REDIC1: variants seen among roughly 807,000 people sequenced by gnomAD.
The protein encoded by REDIC1 is regulator of DNA class I crossover intermediates 1.
the REDIC1 span, chr12:39,647,955 A>G: frequency 6.4e-7 from 1 of 1,569,468 alleles, no homozygotes; most frequent in Non-Finnish European, 8.6e-7. Flanking sequence ...AAACTTGCAT[A>G]TGAAAAAAAG....
the REDIC1 span, among the ~76,000 whole-genome samples, chr12:39,700,424 T>C: frequency 3.9e-5 from 6 of 151,952 alleles, no homozygotes; most frequent in African/African-American, 1.2e-4. Context: ...CTCCAAGAAA[T>C]ATGGGACTAT....
the REDIC1 span, among the ~76,000 whole-genome samples, chr12:39,691,758 G>A: frequency 2.0e-5 from 3 of 152,152 alleles, no homozygotes; most frequent in South Asian, 6.2e-4. Context: ...TAATATGTTT[G>A]TCTTTCTTCA....
the REDIC1 span, among the ~76,000 whole-genome samples, chr12:39,822,525 T>C: frequency 6.6e-6 from 1 of 152,196 alleles, no homozygotes; most frequent in Admixed American, 6.5e-5. Context: ...CCCTTTTTAA[T>C]AAATTCCAAG....
At chr12:39,655,214 C>A in the REDIC1 span, among the ~76,000 whole-genome samples, 13 of 151,930 alleles carry the variant, frequency 8.6e-5, no homozygotes, top group African/African-American at 3.1e-4. Flanking sequence ...TTCTATTTTC[C>A]ATTTTTTAAG....
At chr12:39,870,345 T>C in the REDIC1 span, among the ~76,000 whole-genome samples, 1 of 152,230 alleles carries the variant, frequency 6.6e-6, no homozygotes, top group Non-Finnish European at 1.5e-5. Context: ...TCCAGCCCAC[T>C]GTGGAAATTT....
chr12:39,627,651 G>T, the REDIC1 span, among the ~76,000 whole-genome samples: 4 of 152,082 alleles, frequency 2.6e-5, no homozygotes, highest in Admixed American at 6.5e-5. Flanking sequence ...GTACCAGGGG[G>T]TTTAAGAAAC....
the REDIC1 span, among the ~76,000 whole-genome samples, chr12:39,648,375 CGTA>C: frequency 0.015 from 2,340 of 151,846 alleles, 57 homozygotes; most frequent in African/African-American, 0.051. Flanking sequence ...TCAGAGATGT[CGTA>C]GTAGTCTCTT....
At chr12:39,840,361 C>T in the REDIC1 span, among the ~76,000 whole-genome samples, 5 of 152,152 alleles carry the variant, frequency 3.3e-5, no homozygotes, top group African/African-American at 9.6e-5. Context: ...CTCTACACTG[C>T]CTCAAATCTA....
the REDIC1 span, among the ~76,000 whole-genome samples, chr12:39,688,661 A>T: frequency 6.6e-6 from 1 of 152,234 alleles, no homozygotes; most frequent in Non-Finnish European, 1.5e-5. Flanking sequence ...AAAAAAGTTG[A>T]TTCTAGCAAC....
At chr12:39,793,609 T>C in the REDIC1 span, among the ~76,000 whole-genome samples, 2 of 152,128 alleles carry the variant, frequency 1.3e-5, no homozygotes, top group Non-Finnish European at 2.9e-5. Flanking sequence ...AACCAGAATC[T>C]CTTCTGCATG....
the REDIC1 span, among the ~76,000 whole-genome samples, chr12:39,654,780 C>A: frequency 6.6e-6 from 1 of 151,954 alleles, no homozygotes; most frequent in Admixed American, 6.6e-5. Flanking sequence ...AGTGTTTCCC[C>A]CTGTTTTATG....
At chr12:39,866,571 C>T in the REDIC1 span, among the ~76,000 whole-genome samples, 2 of 152,122 alleles carry the variant, frequency 1.3e-5, no homozygotes, top group African/African-American at 4.8e-5. Flanking sequence ...CTCCGCCCCC[C>T]GGGGTTCACG....
At chr12:39,882,911 T>C in the REDIC1 span, among the ~76,000 whole-genome samples, 121 of 152,344 alleles carry the variant, frequency 7.9e-4, no homozygotes, top group African/African-American at 2.8e-3. Flanking sequence ...TCTATCATAT[T>C]TCTATAAACT....
chr12:39,829,392 C>CTTTTTTTATTTTTTTTTTT, the REDIC1 span: 1 of 65,796 alleles, frequency 1.5e-5, no homozygotes, highest in Non-Finnish European at 2.5e-5. Flanking sequence ...GATAGTAATT[C>CTTTTTTTATTTTTTTTTTT]TTTTTTTTTT....
chr12:39,721,397 C>A, the REDIC1 span: 1 of 641,338 alleles, frequency 1.6e-6, no homozygotes. Context: ...ATTCACGGTT[C>A]ATGTTAAAAC....
chr12:39,693,410 A>G, the REDIC1 span, among the ~76,000 whole-genome samples: 2 of 149,994 alleles, frequency 1.3e-5, no homozygotes, highest in Non-Finnish European at 3.0e-5. Flanking sequence ...CTTCTGCAAC[A>G]TGAGTATTTT....
the REDIC1 span, chr12:39,643,811 A>T: frequency 6.4e-7 from 1 of 1,552,592 alleles, no homozygotes; most frequent in Non-Finnish European, 8.8e-7. Context: ...TAAAATCAAA[A>T]ATGAAATCAC....
At chr12:39,786,995 TAAA>T in the REDIC1 span, among the ~76,000 whole-genome samples, 1 of 151,928 alleles carries the variant, frequency 6.6e-6, no homozygotes, top group Admixed American at 6.6e-5. Context: ...TTCTTTTTTT[TAAA>T]AAAATAATAA....
the REDIC1 span, among the ~76,000 whole-genome samples, chr12:39,765,680 TC>T: frequency 6.6e-6 from 1 of 152,030 alleles, no homozygotes; most frequent in Non-Finnish European, 1.5e-5. Flanking sequence ...CCTCCTCTCA[TC>T]CCCTGCCACA....
Sources: gnomAD v4.1 joint callset for allele counts (sites outside exome capture counted in the v4.1 genomes callset) on GRCh38, gnomAD v4.1.1 for gene constraint, MANE v1.5 for transcripts, NCBI Gene and HGNC (gene_info 2026-07-23, HGNC 2026-07-21) for gene names.